The following SYCP1 variants were observed in gnomAD, a reference collection of about 807,000 sequenced individuals.
SYCP1 encodes synaptonemal complex protein 1.
Under a neutral mutation model 153.1 loss-of-function variants are expected in SYCP1, and 64 were observed. The observed-to-expected ratio is 0.42, with a 90% confidence interval of 0.34 to 0.51. The LOEUF (loss-of-function observed/expected upper bound fraction) is 0.51, where lower values mean the gene tolerates loss of function less well. Ranked by LOEUF, SYCP1 falls within the 20% of genes least tolerant of loss-of-function variation. The pLI is 0.06. For missense variants in SYCP1, 997 were observed against 1,049.0 expected (o/e 0.95, Z 0.68); for synonymous variants, 384 against 341.8 (o/e 1.12, Z -1.36).
intron 16 of SYCP1, among the ~76,000 whole-genome samples, chr1:114,909,290 G>C (rs899641905): frequency 2.6e-4 from 37 of 144,418 alleles, no homozygotes; most frequent in Admixed American, 2.5e-3. Context: ...TTCTATTGTA[G>C]TTTTAGCTGC....
chr1:114,953,022 G>A (rs1231680425), intron 27 of SYCP1, among the ~76,000 whole-genome samples: 2 of 152,178 alleles, frequency 1.3e-5, no homozygotes, highest in Admixed American at 1.3e-4. Flanking sequence ...AGAGAGAAAT[G>A]ACCTGTCTTC....
intron 17 of SYCP1, among the ~76,000 whole-genome samples, chr1:114,911,186 A>G (rs1229069095): frequency 6.6e-6 from 1 of 152,046 alleles, no homozygotes; most frequent in Admixed American, 6.5e-5. Flanking sequence ...CCTTGATAAT[A>G]TAACATTTTA....
intron 27 of SYCP1, among the ~76,000 whole-genome samples, chr1:114,954,798 C>T (rs779633732): frequency 6.6e-6 from 1 of 151,980 alleles, no homozygotes; most frequent in Non-Finnish European, 1.5e-5. Flanking sequence ...CCAGGATGGC[C>T]TCAATCTCTT....
At chr1:114,934,865 A>AAT (rs763790217) in intron 23 of SYCP1, among the ~76,000 whole-genome samples, 12 of 152,194 alleles carry the variant, frequency 7.9e-5, no homozygotes, top group Non-Finnish European at 1.2e-4. Context: ...AACCATCCTA[A>AAT]ATATATATGT....
intron 27 of SYCP1, among the ~76,000 whole-genome samples, chr1:114,972,067 G>C (rs1672523206): frequency 6.6e-6 from 1 of 152,010 alleles, no homozygotes; most frequent in South Asian, 2.1e-4. Flanking sequence ...TTTGCTGGGA[G>C]ACTTTTTATT....
In SYCP1 at chr1:114,929,730, T is replaced by C. The variant is rs575716642; in HGVS notation, c.1926+3167T>C. On this transcript the variant is annotated intron_variant, in intron 23 of 31. Coordinates refer to ENST00000369522, the MANE Select transcript of SYCP1 (RefSeq NM_003176.4). Reference sequence around the variant, plus strand: ...GCTTCAAAATAAATGAAGCAAAAACTTGATAAAATGAGCAATAGAAAATAC... The same window carrying C: ...GCTTCAAAATAAATGAAGCAAAAACCTGATAAAATGAGCAATAGAAAATAC... Among the ~76,000 whole-genome samples the C allele has an allele frequency of 6.6e-5, 10 of 152,120 alleles. No individual in the cohort carries two copies. The South Asian group carries it at 1.0e-3, about 16-fold the overall frequency.
At chr1:114,991,325 T>C (rs1673908172) in intron 30 of SYCP1, among the ~76,000 whole-genome samples, 1 of 151,852 alleles carries the variant, frequency 6.6e-6, no homozygotes, top group African/African-American at 2.4e-5. Context: ...TTAATTACCT[T>C]GATACCAAAG....
At chr1:114,891,581 C>T (rs1322089568) in intron 15 of SYCP1, among the ~76,000 whole-genome samples, 2 of 152,164 alleles carry the variant, frequency 1.3e-5, no homozygotes, top group Non-Finnish European at 1.5e-5. Context: ...AGTTTCTTAA[C>T]TTGTTACAGT....
At chr1:114,913,916 GTTTAAATTTTATTTTTGT>G (rs1668344102) in intron 19 of SYCP1, 41 bp from the exon 20 acceptor site, 1 of 1,292,430 alleles carries the variant, frequency 7.7e-7, no homozygotes, top group South Asian at 1.5e-5. Context: ...TTAAATAGTA[GTTTAAATTTTATTTTTGT>G]TTAAACAAAA....
Position 114,914,064 on chromosome 1 carries a change from C to G in SYCP1, c.1718+19C>G. ...AATTAAGGCAAGACTAACAAATTGG[C>G]CTTTTTTTGTCTGGCAAAAGATTTT... On this transcript the variant is annotated intron_variant, in intron 20 of 31. Coordinates refer to ENST00000369522, the MANE Select transcript of SYCP1 (RefSeq NM_003176.4). 1.3e-6 allele frequency: 2 copies of G among 1,513,344 alleles called. No individual in the cohort carries two copies. Among genetic ancestry groups the G allele is most frequent in the African/African-American group, 1.4e-5 (1 of 70,318 alleles). The allele number at this position is 1,513,344 out of a possible 1,614,324, so 93.7% of individuals were successfully genotyped here.
intron 16 of SYCP1, among the ~76,000 whole-genome samples, chr1:114,897,156 A>AATAAGG (rs1476138626): frequency 6.6e-6 from 1 of 152,152 alleles, no homozygotes. Context: ...CTGCCATTAG[A>AATAAGG]ATAAGGATAA....
chr1:114,917,213 T>C (rs1466114590), intron 20 of SYCP1, among the ~76,000 whole-genome samples: 1 of 152,158 alleles, frequency 6.6e-6, no homozygotes, highest in Non-Finnish European at 1.5e-5. Flanking sequence ...GTTGTAACTT[T>C]AGCTCCTTCA....
intron 15 of SYCP1, among the ~76,000 whole-genome samples, chr1:114,893,990 G>T (rs1332953345): frequency 6.7e-6 from 1 of 150,254 alleles, no homozygotes; most frequent in African/African-American, 2.4e-5. Context: ...CCAAGGATTC[G>T]TTAATTTTCT....
chr1:114,956,721 T>A (rs147074993), intron 27 of SYCP1, among the ~76,000 whole-genome samples: 2 of 152,188 alleles, frequency 1.3e-5, no homozygotes, highest in African/African-American at 4.8e-5. Flanking sequence ...GAATGGCATG[T>A]CAACCTTGGA....
intron 27 of SYCP1, among the ~76,000 whole-genome samples, chr1:114,973,463 T>G (rs1188424579): frequency 6.6e-6 from 1 of 152,018 alleles, no homozygotes; most frequent in East Asian, 1.9e-4. Flanking sequence ...TCTTACAAAA[T>G]TCAGGTATAT....
intron 27 of SYCP1, among the ~76,000 whole-genome samples, chr1:114,972,382 G>A (rs981944834): frequency 6.6e-6 from 1 of 151,224 alleles, no homozygotes; most frequent in Non-Finnish European, 1.5e-5. Flanking sequence ...TTGTTTCGTT[G>A]ATCTTTTGTA....
At chr1:114,881,296 G>T (rs1191008529) in intron 12 of SYCP1, among the ~76,000 whole-genome samples, 3 of 151,448 alleles carry the variant, frequency 2.0e-5, no homozygotes, top group African/African-American at 7.3e-5. Flanking sequence ...TTTTCATTCA[G>T]ACCATTTTCT....
At chr1:114,987,994 G>A (rs896083385) in intron 30 of SYCP1, among the ~76,000 whole-genome samples, 1 of 150,330 alleles carries the variant, frequency 6.7e-6, no homozygotes, top group Admixed American at 6.7e-5. Context: ...CCCACTAGAG[G>A]GATTTAAAAG....
At chr1:114,907,582 CTTTTT>C in intron 16 of SYCP1, among the ~76,000 whole-genome samples, 1 of 134,288 alleles carries the variant, frequency 7.4e-6, no homozygotes. Context: ...AATGTTGAAA[CTTTTT>C]TTTTTTTTTT....
Sources: allele counts gnomAD v4.1 joint callset (sites outside exome capture counted in the v4.1 genomes callset), GRCh38; gene constraint gnomAD v4.1.1; transcripts MANE v1.5; gene names NCBI Gene and HGNC (gene_info 2026-07-23, HGNC 2026-07-21).